BACH2: variants seen among roughly 807,000 people sequenced by gnomAD.
The protein encoded by BACH2 is transcription regulator protein BACH2.
Under a neutral mutation model 61.8 loss-of-function variants are expected in BACH2, and 5 were observed. That is an observed-to-expected ratio of 0.08 (90% CI 0.04 to 0.17). The LOEUF is 0.17. Ranked by LOEUF, BACH2 falls within the 10% of genes least tolerant of loss-of-function variation. The pLI is 1.00. For synonymous variants in BACH2, 446 were observed against 440.1 expected (o/e 1.01, Z -0.17); for missense variants, 824 against 1,091.1 (o/e 0.76, Z 3.45).
At chr6:90,079,465 G>A (rs955969110) in intron 5 of BACH2, among the ~76,000 whole-genome samples, 2 of 152,128 alleles carry the variant, frequency 1.3e-5, no homozygotes, top group South Asian at 2.1e-4. Flanking sequence ...AGGGTTTCAC[G>A]CTTCTTTCTT....
chr6:90,110,836 A>G (rs1783134747), intron 4 of BACH2, among the ~76,000 whole-genome samples: 1 of 152,212 alleles, frequency 6.6e-6, no homozygotes, highest in African/African-American at 2.4e-5. Flanking sequence ...TTTCCTGGAG[A>G]TAACCAGTAC....
rs1479207467 is a variant in BACH2 at position 90,020,787 on chromosome 6, G to A, written c.-12-11931C>T. Among the ~76,000 whole-genome samples, 6 of 151,708 alleles carry A rather than the reference G, an allele frequency of 4.0e-5. No individual in the cohort carries two copies. The South Asian group carries it at 8.4e-4, about 21-fold the overall frequency. On this transcript the variant is annotated intron_variant, in intron 5 of 8. Coordinates refer to ENST00000257749, the MANE Select transcript of BACH2 (RefSeq NM_021813.4). The stretch of plus-strand genomic sequence containing the variant: ...CTAATATTAAACAACATTCCCCTCC[G>A]CCCCCCACTCCTCCATGCAGCAAAT...
chr6:90,203,047 A>G (rs919503570), intron 4 of BACH2, among the ~76,000 whole-genome samples: 2 of 152,192 alleles, frequency 1.3e-5, no homozygotes, highest in Non-Finnish European at 2.9e-5. Flanking sequence ...TACTATATGT[A>G]ATATATATTT....
intron 4 of BACH2, chr6:90,116,940 C>A: frequency 4.8e-6 from 2 of 419,350 alleles, no homozygotes; most frequent in Non-Finnish European, 8.9e-6. Context: ...AGTACATGTG[C>A]AGCTTCAACT....
intron 6 of BACH2, among the ~76,000 whole-genome samples, chr6:89,987,692 G>A (rs1776318004): frequency 1.3e-5 from 2 of 152,004 alleles, no homozygotes; most frequent in South Asian, 4.2e-4. Context: ...CTCTTCAGTG[G>A]TGGTGAGCTC....
At chr6:90,227,021 T>C (rs1769937891) in intron 3 of BACH2, among the ~76,000 whole-genome samples, 1 of 152,192 alleles carries the variant, frequency 6.6e-6, no homozygotes, top group Non-Finnish European at 1.5e-5. Context: ...GGAATGTGCG[T>C]GAACTGCAAG....
chr6:89,946,454 G>A (rs932381476), intron 7 of BACH2, among the ~76,000 whole-genome samples: 5 of 152,288 alleles, frequency 3.3e-5, no homozygotes, highest in African/African-American at 1.2e-4. Context: ...GCCCATCTTT[G>A]AAACTAACCC....
At chr6:90,118,482 C>A (rs1452681742) in intron 4 of BACH2, among the ~76,000 whole-genome samples, 1 of 152,172 alleles carries the variant, frequency 6.6e-6, no homozygotes, top group Non-Finnish European at 1.5e-5. Flanking sequence ...TTATTCCTTT[C>A]AAAGATCCAG....
chr6:90,015,826 T>C (rs10944473), intron 5 of BACH2, among the ~76,000 whole-genome samples: 61,970 of 152,030 alleles, frequency 0.41, 13,567 homozygotes, highest in African/African-American at 0.58. Context: ...TTCTGATCTT[T>C]TGTCTATAGG....
chr6:89,987,010 G>C (rs981370212), intron 6 of BACH2, among the ~76,000 whole-genome samples: 1 of 152,198 alleles, frequency 6.6e-6, no homozygotes, highest in Admixed American at 6.5e-5. Flanking sequence ...GTCTGGTGAT[G>C]TGACCCAGCC....
chr6:90,174,900 A>C (rs1767936573), intron 4 of BACH2, among the ~76,000 whole-genome samples: 1 of 151,632 alleles, frequency 6.6e-6, no homozygotes, highest in African/African-American at 2.4e-5. Flanking sequence ...TATGTGGTAC[A>C]TATGTAGTAA....
rs540146340 is a variant in BACH2 at position 90,195,709 on chromosome 6, A to T, written c.-162+10860T>A. Among the ~76,000 whole-genome samples, 15 of 152,312 alleles carry T rather than the reference A, an allele frequency of 9.8e-5. No individual in the cohort carries two copies. The South Asian group carries it at 3.1e-3, about 32-fold the overall frequency. ...AATGCCCCACTGTTCTTCTAAGAGC[A>T]TCTGCTTCTTACTCTTCTCTCTTTT... On this transcript the variant is annotated intron_variant, in intron 4 of 8. Coordinates refer to ENST00000257749, the MANE Select transcript of BACH2 (RefSeq NM_021813.4).
chr6:90,089,746 A>C (rs1407154035), intron 4 of BACH2, among the ~76,000 whole-genome samples: 1 of 152,178 alleles, frequency 6.6e-6, no homozygotes, highest in African/African-American at 2.4e-5. Context: ...TCCTTCACCG[A>C]AACTCTTGGG....
intron 5 of BACH2, among the ~76,000 whole-genome samples, chr6:90,036,585 C>T (rs1478861755): frequency 1.3e-5 from 2 of 152,158 alleles, no homozygotes; most frequent in Non-Finnish European, 2.9e-5. Context: ...TTTCATTACA[C>T]ATCCATCCAT....
chr6:89,950,192 G>T lies in BACH2; in HGVS notation c.1836+78C>A, dbSNP rs1325754736. On this transcript the variant is annotated intron_variant, in intron 7 of 8. Coordinates refer to ENST00000257749, the MANE Select transcript of BACH2 (RefSeq NM_021813.4). This position sits in a 1 kb window ranked among gnomAD's most constrained non-coding sequence, Gnocchi z 5.3. ...CTTAGCACGTAAGAACAATGTGGGA[G>T]TGGTGGGGGGCAGGGAGTAGTCCAG... 4.0e-6 allele frequency: 6 copies of T among 1,490,098 alleles called. No individual in the cohort carries two copies. Among genetic ancestry groups the T allele is most frequent in the Non-Finnish European group, 4.7e-6 (5 of 1,068,334 alleles). 92.3% of individuals were successfully genotyped at this position (1,490,098 alleles called of 1,614,324 possible). A position where few individuals can be genotyped will look rare whatever the true frequency, so the allele number is the denominator to read the frequency against.
chr6:90,077,612 G>T (rs956937854), intron 5 of BACH2, among the ~76,000 whole-genome samples: 2 of 152,102 alleles, frequency 1.3e-5, no homozygotes, highest in African/African-American at 4.8e-5. Flanking sequence ...GACAGGGATG[G>T]TAGGACAGAC....
chr6:90,068,905 C>T (rs760962830), intron 5 of BACH2, among the ~76,000 whole-genome samples: 1 of 152,156 alleles, frequency 6.6e-6, no homozygotes, highest in African/African-American at 2.4e-5. Context: ...CCCCTGGATT[C>T]GCGCCGTAAT....
chr6:90,147,918 A>C (rs1298945644), intron 4 of BACH2, among the ~76,000 whole-genome samples: 1 of 152,226 alleles, frequency 6.6e-6, no homozygotes, highest in East Asian at 1.9e-4. Context: ...AAGAACCTAC[A>C]TGCCAAATTA....
chr6:90,279,237 A>G (rs1408074838), intron 1 of BACH2, among the ~76,000 whole-genome samples: 1 of 152,090 alleles, frequency 6.6e-6, no homozygotes, highest in African/African-American at 2.4e-5. Context: ...AAAAAAAAGA[A>G]TACGGCCAGG....
Sources: allele counts gnomAD v4.1 joint callset (sites outside exome capture counted in the v4.1 genomes callset), GRCh38; gene constraint gnomAD v4.1.1; non-coding constraint Gnocchi (gnomAD v3.1); transcripts MANE v1.5; gene names NCBI Gene and HGNC (gene_info 2026-07-23, HGNC 2026-07-21).